CCDC57: variants seen among roughly 807,000 people sequenced by gnomAD.
The protein encoded by CCDC57 is coiled-coil domain-containing protein 57.
CCDC57 carries 118 observed loss-of-function variants against 118.9 expected under a neutral mutation model. The ratio of observed to expected loss-of-function variants is 0.99; its 90% CI spans 0.86 to 1.16. The LOEUF (loss-of-function observed/expected upper bound fraction) is 1.16, where lower values mean the gene tolerates loss of function less well. CCDC57 is among the 50% of genes most tolerant of loss of function. CCDC57 has a pLI of 0.00. For missense variants in CCDC57, 1,300 were observed against 1,320.7 expected (o/e 0.98, Z 0.24); for synonymous variants, 527 against 532.9 (o/e 0.99, Z 0.15).
At chr17:82,207,641 TAA>T (rs1183999790) in intron 2 of CCDC57, 1 of 152,198 alleles carries the variant, frequency 6.6e-6, no homozygotes, top group African/African-American at 2.4e-5. Context: ...AAGTTATCCT[TAA>T]AAACTCTGAT....
chr17:82,144,667 T>G (rs1230388169), intron 16 of CCDC57, among the ~76,000 whole-genome samples: 1 of 152,366 alleles, frequency 6.6e-6, no homozygotes, highest in East Asian at 1.9e-4. Context: ...AAGTTATTAC[T>G]TCCAACTCAA....
At chr17:82,169,950 G>T (rs947276888) in intron 13 of CCDC57, among the ~76,000 whole-genome samples, 1 of 152,092 alleles carries the variant, frequency 6.6e-6, no homozygotes. Context: ...TATAACCAAC[G>T]CTAGGCTCAT....
chr17:82,136,732 G>A (rs917212185), intron 16 of CCDC57, among the ~76,000 whole-genome samples: 1 of 151,812 alleles, frequency 6.6e-6, no homozygotes, highest in Non-Finnish European at 1.5e-5. Flanking sequence ...CAAGTAGCTG[G>A]GACCACACCC....
intron 17 of CCDC57, among the ~76,000 whole-genome samples, chr17:82,133,764 C>G (rs1344572462): frequency 6.6e-6 from 1 of 151,778 alleles, no homozygotes. Flanking sequence ...GGAAGGCTGA[C>G]TCAGGAGAAT....
intron 13 of CCDC57, among the ~76,000 whole-genome samples, chr17:82,165,647 G>T (rs1186094134): frequency 6.6e-6 from 1 of 152,198 alleles, no homozygotes; most frequent in African/African-American, 2.4e-5. Flanking sequence ...GGGAGAGCAT[G>T]TGGGGAGGGT....
At chr17:82,210,432 G>T (rs936848130) in intron 1 of CCDC57, among the ~76,000 whole-genome samples, 1 of 151,954 alleles carries the variant, frequency 6.6e-6, no homozygotes, top group Admixed American at 6.6e-5. Flanking sequence ...AGCACTTTCG[G>T]AGGCCAAGGC....
At chr17:82,193,711 G>A in intron 7 of CCDC57, 45 bp downstream of exon 6, 1 of 1,528,328 alleles carries the variant, frequency 6.5e-7, no homozygotes, top group Non-Finnish European at 8.9e-7. Context: ...CTCCTCTCCT[G>A]GGGCCACTGA....
At chr17:82,133,647 G>A (rs750586342) in intron 17 of CCDC57, among the ~76,000 whole-genome samples, 89 of 151,746 alleles carry the variant, frequency 5.9e-4, no homozygotes, top group Non-Finnish European at 1.2e-3. Context: ...GATCACCTGA[G>A]GTCAGGAGTT....
At chr17:82,126,872 T>C in intron 19 of CCDC57, 3 of 985,394 alleles carry the variant, frequency 3.0e-6, no homozygotes, top group Non-Finnish European at 3.6e-6. Context: ...CACACCCTCA[T>C]GACGGAAGAC....
intron 14 of CCDC57, among the ~76,000 whole-genome samples, chr17:82,161,381 C>T (rs1305967615): frequency 4.6e-5 from 7 of 152,176 alleles, no homozygotes; most frequent in Non-Finnish European, 1.5e-5. Context: ...GACCGTCTGA[C>T]AGAGCAATTC....
intron 17 of CCDC57, among the ~76,000 whole-genome samples, chr17:82,129,921 G>T (rs575552361): frequency 6.6e-6 from 1 of 151,890 alleles, no homozygotes; most frequent in Admixed American, 6.6e-5. Context: ...ATTAGGCTGG[G>T]CGCGGTAGCT....
exon 19 of CCDC57, chr17:82,127,903 T>C: frequency 1.2e-6 from 2 of 1,612,176 alleles, no homozygotes; most frequent in Non-Finnish European, 1.7e-6. Context: ...GGATGCTGTG[T>C]TGTGTCTAGA....
At chr17:82,140,459 G>A (rs1181263734) in intron 16 of CCDC57, among the ~76,000 whole-genome samples, 38 of 152,186 alleles carry the variant, frequency 2.5e-4, no homozygotes, top group Non-Finnish European at 8.8e-5. Flanking sequence ...GACCTCAGCT[G>A]ATCCATCGGC....
chr17:82,106,917 C>T (rs943363345), intron 19 of CCDC57, among the ~76,000 whole-genome samples: 1 of 152,190 alleles, frequency 6.6e-6, no homozygotes, highest in African/African-American at 2.4e-5. Flanking sequence ...TCCAGGTGGG[C>T]ACCCTAGCAT....
chr17:82,155,082 C>T (rs1437209132), intron 15 of CCDC57: 3 of 152,270 alleles, frequency 2.0e-5, no homozygotes, highest in Non-Finnish European at 2.9e-5. Flanking sequence ...CAGTGCGACC[C>T]GCCCAGAGGC....
chr17:82,176,833 C>G (rs2146350706), intron 11 of CCDC57, among the ~76,000 whole-genome samples: 1 of 138,910 alleles, frequency 7.2e-6, no homozygotes, highest in African/African-American at 2.6e-5. Context: ...TCACTTCCAA[C>G]AGGGAAGATG....
chr17:82,108,114 A>G (rs545978746), intron 19 of CCDC57, among the ~76,000 whole-genome samples: 2 of 152,362 alleles, frequency 1.3e-5, no homozygotes, highest in South Asian at 4.1e-4. Context: ...CTCCAAGCTC[A>G]GAGTCAGAGG....
chr17:82,146,912 T>C (rs1320338865), intron 16 of CCDC57, among the ~76,000 whole-genome samples: 1 of 152,094 alleles, frequency 6.6e-6, no homozygotes, highest in African/African-American at 2.4e-5. Context: ...CAGTCTCACA[T>C]ACAAATGCAC....
chr17:82,160,734 C>A (rs11077975), intron 14 of CCDC57, among the ~76,000 whole-genome samples: 1 of 151,778 alleles, frequency 6.6e-6, no homozygotes, highest in South Asian at 2.1e-4. Context: ...AATTAGCAGG[C>A]GTGGTGGCTC....
Sources: allele counts gnomAD v4.1 joint callset (sites outside exome capture counted in the v4.1 genomes callset), GRCh38; gene constraint gnomAD v4.1.1; transcripts MANE v1.5; gene names NCBI Gene and HGNC (gene_info 2026-07-23, HGNC 2026-07-21).